The following TULP4 variants were observed in gnomAD, a reference collection of about 807,000 sequenced individuals.
TULP4 encodes the protein TUB like protein 4.
Under a neutral mutation model 129.0 loss-of-function variants are expected in TULP4, and 16 were observed. The observed-to-expected ratio is 0.12, with a 90% CI of 0.08 to 0.19. The LOEUF (loss-of-function observed/expected upper bound fraction) is 0.19. Among genes scored for constraint, TULP4 ranks in the 10% least tolerant of loss-of-function variants. The probability of loss-of-function intolerance (pLI) is 1.00; values close to 1 mark genes in which losing one functional copy is unlikely to be tolerated. For missense variants in TULP4, 1,842 were observed against 2,059.1 expected (o/e 0.89, Z 2.04); for synonymous variants, 998 against 854.0 (o/e 1.17, Z -2.94).
chr6:158,237,836 G>A, intron 1 of TULP4: 2 of 758,904 alleles, frequency 2.6e-6, no homozygotes, highest in Non-Finnish European at 2.5e-6. Flanking sequence ...TGTTTACTAA[G>A]AGCTGTGCCT....
chr6:158,476,970 A>G (rs1443721759), intron 6 of TULP4, among the ~76,000 whole-genome samples: 2 of 152,220 alleles, frequency 1.3e-5, no homozygotes, highest in Admixed American at 1.3e-4. Context: ...AGCCTGCCTT[A>G]GCCTCTCTAA....
At chr6:158,504,601 C>T (rs561715643) in intron 13 of TULP4, among the ~76,000 whole-genome samples, 1 of 151,720 alleles carries the variant, frequency 6.6e-6, no homozygotes, top group East Asian at 1.9e-4. Context: ...CGTGATCTGC[C>T]CGCCTTGGCC....
intron 1 of TULP4, among the ~76,000 whole-genome samples, chr6:158,348,566 G>A (rs1780375883): frequency 6.6e-6 from 1 of 152,116 alleles, no homozygotes; most frequent in Non-Finnish European, 1.5e-5. Flanking sequence ...AGTCTCCTAT[G>A]TCTCCTTCTT....
At chr6:158,275,727 C>T (rs767075949) in intron 1 of TULP4, among the ~76,000 whole-genome samples, 3 of 152,140 alleles carry the variant, frequency 2.0e-5, no homozygotes, top group Non-Finnish European at 4.4e-5. Context: ...TAAGCAAAAA[C>T]GTAGAATTTG....
Position 158,502,092 on chromosome 6 carries a change from A to C in TULP4, c.2429A>C (p.Gln810Pro). ...KSAKALRPTP[Q>P]LAAEGDAVVF... ...GCCAAGGCCCTGCGGCCAACACCGC[A>C]GCTGGCAGCTGAGGGGGACGCAGTG... Residue 810 changes from glutamine (Q) to proline (P), a missense_variant, in exon 13 of 14, where the codon CAG becomes CCG. Physicochemically the swap from Gln to Pro is moderately conservative, Grantham distance 76. Transcript: ENST00000367097. 1 of 1,611,546 alleles carries C rather than the reference A, an allele frequency of 6.2e-7. No individual in the cohort carries two copies. The highest frequency in any genetic ancestry group is 1.1e-5 in the South Asian group (1 of 90,666).
rs776528000 is a variant in TULP4 at position 158,479,788 on chromosome 6, C to T, written c.1064C>T (p.Ser355Leu). 3 of 1,614,016 alleles carry T rather than the reference C, an allele frequency of 1.9e-6. No individual in the cohort carries two copies. The highest frequency in any genetic ancestry group is 2.2e-5 in the East Asian group (1 of 44,878). Residue 355 changes from serine to leucine, a missense_variant, in exon 7 of 14, where the codon TCG (serine) becomes TTG (leucine). Ser to Leu is a moderately radical substitution (Grantham distance 145). Coordinates refer to ENST00000367097, the MANE Select transcript of TULP4 (RefSeq NM_020245.5). ...IISICWGHRD[S>L]RLLMASGPAL... ...TCCATCTGCTGGGGTCACCGGGATT[C>T]GAGGCTGTTGATGGCATCAGGACCA...
chr6:158,506,222 C>CTTTTTTTTTTT lies in TULP4; in HGVS notation c.4516-338_4516-328dup, dbSNP rs61292138. On this transcript the variant is annotated intron_variant, in intron 13 of 13. Transcript: ENST00000367097. ...CGGCTGTCGCCTTGCTCGCCTTGTT[C>CTTTTTTTTTTT]TTTTTTTTTTTTTTTTTTTTTTTTT... is the stretch of plus-strand genomic sequence containing the variant. 2.5e-4 allele frequency among the ~76,000 whole-genome samples: 14 copies of CTTTTTTTTTTT among 55,502 alleles called. 1 individual carries two copies. Among genetic ancestry groups the CTTTTTTTTTTT allele is most frequent in the Non-Finnish European group, 3.3e-4 (10 of 30,222 alleles). 36.4% of individuals were successfully genotyped at this position (55,502 alleles called of 152,430 possible).
chr6:158,456,046 G>A (rs1162755272), intron 5 of TULP4, among the ~76,000 whole-genome samples: 1 of 152,178 alleles, frequency 6.6e-6, no homozygotes, highest in Non-Finnish European at 1.5e-5. Context: ...TGGGGAGGTG[G>A]GTAGGCAATC....
intron 1 of TULP4, among the ~76,000 whole-genome samples, chr6:158,406,150 G>A (rs1777973830): frequency 6.6e-6 from 1 of 152,128 alleles, no homozygotes; most frequent in South Asian, 2.1e-4. Context: ...GTTAACAGGT[G>A]CTCTGAACAA....
chr6:158,483,653 C>G (rs1248130940), intron 8 of TULP4, among the ~76,000 whole-genome samples: 1 of 152,154 alleles, frequency 6.6e-6, no homozygotes, highest in African/African-American at 2.4e-5. Context: ...CTCATTGAGG[C>G]CGCCATATCA....
rs773685434 is a variant in TULP4 at position 158,481,387 on chromosome 6, C to T, written c.1486+98C>T. 6.1e-5 allele frequency: 69 copies of T among 1,140,354 alleles called. 1 individual carries two copies. In the South Asian group the frequency reaches 8.6e-4, roughly 14 times the overall value. The allele number at this position is 1,140,354 out of a possible 1,614,324, so 70.6% of individuals were successfully genotyped here. On this transcript the variant is annotated intron_variant, in intron 8 of 13. Coordinates refer to ENST00000367097, the MANE Select transcript of TULP4 (RefSeq NM_020245.5). Reference sequence around the variant, plus strand: ...GCAAAGAGAATGTCTGCTAATGAAACGTGAGCCTGTGGGGGCTAGTGTGGA... The same window carrying T: ...GCAAAGAGAATGTCTGCTAATGAAATGTGAGCCTGTGGGGGCTAGTGTGGA...
At position 158,502,939 on chromosome 6, in the gene TULP4, G is replaced by A. The variant is rs1466429036; in HGVS notation, c.3276G>A (p.Glu1092=). 4 of 1,614,044 alleles carry A rather than the reference G, an allele frequency of 2.5e-6. No homozygotes were observed. The highest frequency in any genetic ancestry group is 2.2e-5 in the East Asian group (1 of 44,860). ...DYVNSAFTED[E]ALSQHCQLEK... ...TCAACTCGGCCTTCACGGAGGACGAGGCCCTGTCCCAGCACTGTCAGCTTG... is the reference window on the plus strand; with the variant it reads ...TCAACTCGGCCTTCACGGAGGACGAAGCCCTGTCCCAGCACTGTCAGCTTG... Residue 1092 remains glutamate, a synonymous_variant, in exon 13 of 14, where the codon GAG becomes GAA. Coordinates refer to ENST00000367097, the MANE Select transcript of TULP4 (RefSeq NM_020245.5).
At chr6:158,396,640 A>C (rs1777724773) in intron 1 of TULP4, among the ~76,000 whole-genome samples, 1 of 152,194 alleles carries the variant, frequency 6.6e-6, no homozygotes, top group South Asian at 2.1e-4. Flanking sequence ...ATATATTTTT[A>C]AAGTGTAAAA....
At chr6:158,275,498 G>T (rs73013946) in intron 1 of TULP4, among the ~76,000 whole-genome samples, 23,060 of 152,012 alleles carry the variant, frequency 0.15, 2,404 homozygotes, top group East Asian at 0.43. Context: ...TGCAAATTGA[G>T]CAACAAGTCT....
intron 1 of TULP4, among the ~76,000 whole-genome samples, chr6:158,345,878 T>C (rs1025721863): frequency 3.3e-5 from 5 of 152,196 alleles, no homozygotes; most frequent in Non-Finnish European, 7.3e-5. Flanking sequence ...TCAGTCCTTA[T>C]GTCAACCGCG....
chr6:158,498,886 A>C, intron 12 of TULP4, 74 bp downstream of exon 12: 2 of 1,567,454 alleles, frequency 1.3e-6, no homozygotes, highest in Non-Finnish European at 1.7e-6. Flanking sequence ...CAGAGCGGCA[A>C]GTTGTTGAGG....
chr6:158,357,707 G>T (rs1287201399), intron 1 of TULP4, among the ~76,000 whole-genome samples: 1 of 152,112 alleles, frequency 6.6e-6, no homozygotes, highest in African/African-American at 2.4e-5. Flanking sequence ...TTGCCCCAAG[G>T]TCCCTACACC....
At chr6:158,362,606 TC>T (rs1780821063) in intron 1 of TULP4, among the ~76,000 whole-genome samples, 1 of 152,202 alleles carries the variant, frequency 6.6e-6, no homozygotes, top group East Asian at 1.9e-4. Context: ...TGCATTGGAC[TC>T]CCAAAGTGTT....
At position 158,479,931 on chromosome 6, in the gene TULP4, C is replaced by A. The variant is rs746673748; in HGVS notation, c.1207C>A (p.Arg403Ser). Residue 403 changes from arginine (R) to serine (S), a missense_variant, in exon 7 of 14, where the codon CGC (arginine) becomes AGC (serine). By Grantham distance (110) the Arg-to-Ser change is moderately radical. Coordinates refer to ENST00000367097, the MANE Select transcript of TULP4 (RefSeq NM_020245.5). ...CGTCAGCAAGCTGACTCTGCCCCCC[C>A]GCCTCTGCTCCTACCTCTCCACTGC... ...KDVSKLTLPP[R>S]LCSYLSTAFI... The A allele has an allele frequency of 3.1e-6, 5 of 1,610,668 alleles. No homozygotes were observed. The highest frequency in any genetic ancestry group is 1.7e-5 in the Admixed American group (1 of 60,004).
Sources: allele counts gnomAD v4.1 joint callset (sites outside exome capture counted in the v4.1 genomes callset), GRCh38; gene constraint gnomAD v4.1.1; transcripts MANE v1.5; gene names NCBI Gene and HGNC (gene_info 2026-07-23, HGNC 2026-07-21).